Variants in PRCC observed in about 807,000 individuals in gnomAD.
The protein encoded by PRCC is proline-rich protein PRCC.
In PRCC, 10 loss-of-function variants were observed where a neutral mutation model predicts 44.0. That is an observed-to-expected ratio of 0.23 (90% CI 0.14 to 0.39). PRCC has a LOEUF of 0.39. Ranked by LOEUF, PRCC falls within the 10% of genes least tolerant of loss-of-function variation. The probability of loss-of-function intolerance (pLI) is 1.00; values close to 1 mark genes in which losing one functional copy is unlikely to be tolerated. For missense variants in PRCC, 573 were observed against 624.7 expected (o/e 0.92, Z 0.88); for synonymous variants, 278 against 259.5 (o/e 1.07, Z -0.69).
chr1:156,768,063 C>G lies in PRCC; in HGVS notation c.292C>G (p.Pro98Ala). 2 of 1,591,698 alleles carry G rather than the reference C, an allele frequency of 1.3e-6. No homozygotes were observed. The highest frequency in any genetic ancestry group is 2.3e-5 in the South Asian group (2 of 88,116). ...GGFPPPPGVS[P>A]AEAAGVGEGL... Reference sequence around the variant, plus strand: ...CTTCCCCCCACCTCCAGGCGTGAGCCCGGCTGAAGCGGCGGGAGTTGGGGA... The same window carrying G: ...CTTCCCCCCACCTCCAGGCGTGAGCGCGGCTGAAGCGGCGGGAGTTGGGGA... Residue 98 changes from proline to alanine, a missense_variant, in exon 1 of 7, where the codon CCG (proline) becomes GCG (alanine). Around this residue, in one of 4 missense-constraint regions of PRCC, gnomAD observed 245 missense variants for 188.5 expected, o/e 1.30. Transcript: ENST00000271526.
chr1:156,793,205 T>G lies in PRCC; in HGVS notation c.1179+1413T>G, dbSNP rs1652551585. Among the ~76,000 whole-genome samples, 4 of 152,212 alleles carry G rather than the reference T, an allele frequency of 2.6e-5. No homozygotes were observed. The South Asian group carries it at 6.2e-4, about 24-fold the overall frequency. On this transcript the variant is annotated intron_variant, in intron 4 of 6. Coordinates refer to ENST00000271526, the MANE Select transcript of PRCC (RefSeq NM_005973.5). ...TTCATCCACTCCCCTATGGATATCCTTCTTGGCAGGTTTGATAGTTGGTTT... is the reference window on the plus strand; with the variant it reads ...TTCATCCACTCCCCTATGGATATCCGTCTTGGCAGGTTTGATAGTTGGTTT...
In PRCC at chr1:156,787,065, T is replaced by C. The variant is rs2102765644; in HGVS notation, c.974T>C (p.Met325Thr). ...DAANAPLEFK[M>T]AAGSSGAPWM... ...GCCAATGCCCCCCTTGAATTCAAGA[T>C]GGCAGCAGGTTCAAGTGGGGCCCCT... is the stretch of plus-strand genomic sequence containing the variant. Residue 325 changes from methionine to threonine, a missense_variant, in exon 3 of 7, where the codon ATG becomes ACG. By Grantham distance (81) the Met-to-Thr change is moderately conservative (BLOSUM62 -1). Coordinates refer to ENST00000271526, the MANE Select transcript of PRCC (RefSeq NM_005973.5). 6.2e-7 allele frequency: 1 copy of C among 1,614,144 alleles called. No homozygotes were observed. The highest frequency in any genetic ancestry group is 8.5e-7 in the Non-Finnish European group (1 of 1,180,008).
intron 3 of PRCC, among the ~76,000 whole-genome samples, chr1:156,789,095 G>A (rs1426258965): frequency 2.0e-5 from 3 of 151,792 alleles, no homozygotes; most frequent in African/African-American, 2.4e-5. Flanking sequence ...TCAGCCTCTC[G>A]AGTAACTGGG....
intron 1 of PRCC, among the ~76,000 whole-genome samples, chr1:156,777,872 C>G (rs1463674312): frequency 6.6e-6 from 1 of 152,076 alleles, no homozygotes; most frequent in Non-Finnish European, 1.5e-5. Flanking sequence ...GAAGGACTTA[C>G]ATGAAAGGAA....
chr1:156,799,030 G>A (rs1465096470), intron 6 of PRCC, among the ~76,000 whole-genome samples: 1 of 152,178 alleles, frequency 6.6e-6, no homozygotes, highest in African/African-American at 2.4e-5. Context: ...AGAGGTGGCT[G>A]TGAAATTATG....
chr1:156,788,777 T>TC (rs1376470817), intron 3 of PRCC, among the ~76,000 whole-genome samples: 2 of 147,868 alleles, frequency 1.4e-5, no homozygotes, highest in Non-Finnish European at 3.0e-5. Flanking sequence ...TTATCCTCCC[T>TC]CAGCCTCCCT....
rs749487117 is a variant in PRCC at position 156,794,624 on chromosome 1, C to G, written c.1180-41C>G. On this transcript the variant is annotated intron_variant, in intron 4 of 6. Transcript: ENST00000271526. ...CTCTTTAGTGGCATCTGCTGACACC[C>G]TTGCCCAGATTCCTGACTCCTGCAT... 2.5e-6 allele frequency: 4 copies of G among 1,611,310 alleles called. No individual in the cohort carries two copies. The South Asian group carries it at 3.3e-5, about 13-fold the overall frequency.
rs934725769 is a variant in PRCC, at chr1:156,799,147, TTG to T, written c.1390-1219_1390-1218del. Among the ~76,000 whole-genome samples, 488 of 152,316 alleles carry T rather than the reference TTG, an allele frequency of 3.2e-3. 2 individuals carry two copies. The highest frequency in any genetic ancestry group is 0.011 in the African/African-American group (457 of 41,556). The stretch of plus-strand genomic sequence containing the variant: ...AAATGGCACCATGTATGATCTGTAT[TTG>T]TGTGTGTACATTTTGATAAATTTTA... On this transcript the variant is annotated intron_variant, in intron 6 of 6. Coordinates refer to ENST00000271526, the MANE Select transcript of PRCC (RefSeq NM_005973.5).
At chr1:156,772,406 T>C (rs911308030) in intron 1 of PRCC, among the ~76,000 whole-genome samples, 8 of 152,214 alleles carry the variant, frequency 5.3e-5, no homozygotes, top group African/African-American at 1.9e-4. Context: ...TTAAATTCAG[T>C]CAGCTTTTGA....
intron 6 of PRCC, among the ~76,000 whole-genome samples, chr1:156,798,456 C>T (rs903883415): frequency 2.6e-5 from 4 of 152,154 alleles, no homozygotes; most frequent in Admixed American, 1.3e-4. Context: ...CCCCAGTCTA[C>T]GGAACGTACC....
intron 3 of PRCC, chr1:156,791,171 C>T (rs745870842): frequency 1.4e-6 from 2 of 1,397,014 alleles, no homozygotes; most frequent in Non-Finnish European, 1.9e-6. Flanking sequence ...TTGTAAGTTT[C>T]ATTGTATCCT....
intron 5 of PRCC, chr1:156,795,927 A>C (rs1486680437): frequency 6.6e-6 from 1 of 152,192 alleles, no homozygotes; most frequent in Non-Finnish European, 1.5e-5. Flanking sequence ...AGCGAGACCA[A>C]GGTCGAGGAT....
chr1:156,791,241 C>T, intron 3 of PRCC: 1 of 1,074,126 alleles, frequency 9.3e-7, no homozygotes. Flanking sequence ...GACTGTTTCC[C>T]TGTATCCACA....
intron 1 of PRCC, among the ~76,000 whole-genome samples, chr1:156,779,947 G>A (rs1651993999): frequency 6.6e-6 from 1 of 151,604 alleles, no homozygotes; most frequent in Non-Finnish European, 1.5e-5. Context: ...CTGGAGTACA[G>A]TGGCACAATC....
intron 1 of PRCC, among the ~76,000 whole-genome samples, chr1:156,779,128 A>ATTTTTTTTTTTTTTTT (rs869088692): frequency 2.8e-5 from 1 of 35,876 alleles, no homozygotes; most frequent in Non-Finnish European, 4.5e-5. Context: ...ATATATATAT[A>ATTTTTTTTTTTTTTTT]TTTTTTTTTT....
intron 3 of PRCC, chr1:156,790,990 C>T (rs1652451783): frequency 6.8e-6 from 5 of 732,238 alleles, no homozygotes. Context: ...AAGGAGGAAA[C>T]AGTTTATTGG....
At chr1:156,799,989 T>C (rs1310173102) in intron 6 of PRCC, among the ~76,000 whole-genome samples, 1 of 152,214 alleles carries the variant, frequency 6.6e-6, no homozygotes, top group Admixed American at 6.5e-5. Context: ...GACTGTCCTC[T>C]CCTACTCTGC....
Position 156,786,910 on chromosome 1 carries a change from C to T in PRCC, c.819C>T (p.Pro273=), listed in dbSNP as rs529017363. The T allele has an allele frequency of 2.7e-5, 43 of 1,614,080 alleles. No individual in the cohort carries two copies. Among genetic ancestry groups the T allele is most frequent in the South Asian group, 1.8e-4 (16 of 91,090 alleles). ...ACGACAGTGATGAGGAAGTAGCCCC[C>T]GAAAACTTTTTCTCCCTCCCTGAAA... ...EEDDSDEEVA[P]ENFFSLPEKA... The change falls in exon 3 of 7, where the codon CCC becomes CCT. Residue 273 remains proline, a synonymous_variant. Coordinates refer to ENST00000271526, the MANE Select transcript of PRCC (RefSeq NM_005973.5).
At chr1:156,784,226 C>T (rs997174461) in intron 2 of PRCC, among the ~76,000 whole-genome samples, 1 of 152,122 alleles carries the variant, frequency 6.6e-6, no homozygotes, top group African/African-American at 2.4e-5. Context: ...AAATTATAGG[C>T]GTGAGCCACC....
Sources: gnomAD v4.1 joint callset for allele counts (sites outside exome capture counted in the v4.1 genomes callset) on GRCh38, gnomAD v4.1.1 for gene constraint, gnomAD v4.1.1 regional missense constraint, MANE v1.5 for transcripts, NCBI Gene and HGNC (gene_info 2026-07-23, HGNC 2026-07-21) for gene names.